The following ZNF684 variants were observed in gnomAD, a reference collection of about 807,000 sequenced individuals.
The protein encoded by ZNF684 is hypothetical protein MGC27466.
A neutral mutation model predicts 12.8 loss-of-function variants in ZNF684; 13 were observed. The observed-to-expected ratio is 1.02, with a 90% CI of 0.66 to 1.62. The LOEUF is 1.62. Ranked by LOEUF, ZNF684 falls within the 40% of genes most tolerant of loss-of-function variation. The pLI is 0.00. For synonymous variants in ZNF684, 118 were observed against 151.8 expected (o/e 0.78, Z 1.64); for missense variants, 384 against 446.9 (o/e 0.86, Z 1.27).
chr1:40,541,642 T>C lies in ZNF684; in HGVS notation c.170T>C (p.Ile57Thr), dbSNP rs945390217. ...TGTCCAATTACCAAAACAAAAGTGA[T>C]CCTCAAGGTAGAGCAAGGACAAGAG... ...VGCPITKTKV[I>T]LKVEQGQEPW... Residue 57 changes from isoleucine (I) to threonine (T), a missense_variant, in exon 4 of 5, where the codon ATC becomes ACC. Ile to Thr is a moderately conservative substitution (Grantham distance 89). Coordinates refer to ENST00000372699, the MANE Select transcript of ZNF684 (RefSeq NM_152373.4). 15 of 1,613,196 alleles carry C rather than the reference T, an allele frequency of 9.3e-6. No individual in the cohort carries two copies. In the African/African-American group the frequency reaches 2.0e-4, roughly 22 times the overall value.
In ZNF684 at chr1:40,540,681, G is replaced by A. The variant is rs1316546549; in HGVS notation, c.111G>A (p.Met37Ile). 2 of 1,611,328 alleles carry A rather than the reference G, an allele frequency of 1.2e-6. No homozygotes were observed. Among genetic ancestry groups the A allele is most frequent in the East Asian group, 2.2e-5 (1 of 44,682 alleles). ...CAERTLYWDV[M>I]LENYRNLISV... is the part of the protein sequence containing the mutation. ...AGAGAACCCTGTATTGGGATGTGAT[G>A]TTGGAGAACTATAGAAACCTCATCT... Residue 37 changes from methionine (M) to isoleucine (I), a missense_variant, in exon 3 of 5, where the codon ATG becomes ATA. Transcript: ENST00000372699.
rs1646053869 is a variant in ZNF684 at position 40,547,199 on chromosome 1, T to A, written c.876T>A (p.Phe292Leu). The A allele has an allele frequency of 2.5e-6, 4 of 1,614,212 alleles. No homozygotes were observed. The highest frequency in any genetic ancestry group is 3.4e-6 in the Non-Finnish European group (4 of 1,180,040). Residue 292 changes from phenylalanine (F) to leucine (L), a missense_variant, in exon 5 of 5, where the codon TTT becomes TTA. Coordinates refer to ENST00000372699, the MANE Select transcript of ZNF684 (RefSeq NM_152373.4). ...YSSSLYKHSR[F>L]HTGEKPYQCI... ...CATCCCTTTATAAACATTCCAGATT[T>A]CATACAGGAGAGAAACCCTACCAGT...
At chr1:40,535,880 C>T (rs985750513) in intron 2 of ZNF684, among the ~76,000 whole-genome samples, 1 of 152,150 alleles carries the variant, frequency 6.6e-6, no homozygotes, top group Non-Finnish European at 1.5e-5. Flanking sequence ...GGCAACTACT[C>T]AACTCTGTCC....
At chr1:40,537,972 T>C (rs80150972) in intron 2 of ZNF684, among the ~76,000 whole-genome samples, 226 of 152,286 alleles carry the variant, frequency 1.5e-3, no homozygotes, top group African/African-American at 5.3e-3. Flanking sequence ...CCATGAAATA[T>C]GTAATCTTTC....
At chr1:40,540,295 A>T (rs1220428805) in intron 2 of ZNF684, among the ~76,000 whole-genome samples, 1 of 152,146 alleles carries the variant, frequency 6.6e-6, no homozygotes, top group Non-Finnish European at 1.5e-5. Context: ...TGTAAAATGG[A>T]TGGGGAGTTC....
At chr1:40,540,482 A>G (rs16865682) in intron 2 of ZNF684, 104 bp from the exon 3 acceptor site, 43,933 of 1,238,554 alleles carry the variant, frequency 0.035, 991 homozygotes, top group Middle Eastern at 0.083. Context: ...GATTTTCTAC[A>G]AACTCAACAG....
chr1:40,537,063 A>G (rs935255372), intron 2 of ZNF684, among the ~76,000 whole-genome samples: 21 of 152,064 alleles, frequency 1.4e-4, no homozygotes, highest in African/African-American at 4.6e-4. Context: ...GGTATTTCTA[A>G]TTCTAGATCC....
intron 1 of ZNF684, among the ~76,000 whole-genome samples, chr1:40,532,854 G>GA (rs1017398340): frequency 4.0e-5 from 6 of 151,786 alleles, no homozygotes; most frequent in Admixed American, 2.6e-4. Flanking sequence ...TTTCTGGGAG[G>GA]AAAAAAAATA....
At chr1:40,535,930 A>G (rs1645981461) in intron 2 of ZNF684, among the ~76,000 whole-genome samples, 1 of 152,220 alleles carries the variant, frequency 6.6e-6, no homozygotes, top group African/African-American at 2.4e-5. Context: ...CTATGTTTCA[A>G]TAACATTCTG....
chr1:40,538,300 G>A (rs1348374332), intron 2 of ZNF684, among the ~76,000 whole-genome samples: 2 of 152,088 alleles, frequency 1.3e-5, no homozygotes, highest in Non-Finnish European at 2.9e-5. Flanking sequence ...GCCCCATACA[G>A]TATTTTCAAG....
At chr1:40,541,372 A>C (rs1646014612) in intron 3 of ZNF684, 1 of 276,530 alleles carries the variant, frequency 3.6e-6, no homozygotes, top group African/African-American at 2.2e-5. Flanking sequence ...TTTAGCAGAG[A>C]CAGGGTCTCA....
At chr1:40,543,721 G>A (rs1368054532) in intron 4 of ZNF684, among the ~76,000 whole-genome samples, 1 of 152,168 alleles carries the variant, frequency 6.6e-6, no homozygotes, top group African/African-American at 2.4e-5. Context: ...CTCCCAAAGT[G>A]CTGGGATTAC....
intron 2 of ZNF684, among the ~76,000 whole-genome samples, chr1:40,539,538 C>A (rs541654243): frequency 2.0e-4 from 30 of 152,182 alleles, no homozygotes; most frequent in African/African-American, 7.2e-4. Context: ...AACGTCGTTG[C>A]TGCACCATTT....
At chr1:40,543,120 C>T (rs1424674471) in intron 4 of ZNF684, among the ~76,000 whole-genome samples, 1 of 152,172 alleles carries the variant, frequency 6.6e-6, no homozygotes, top group African/African-American at 2.4e-5. Context: ...TCTCCTGCCT[C>T]AGCTTCCCAA....
chr1:40,532,402 G>C (rs907878708), intron 1 of ZNF684, among the ~76,000 whole-genome samples: 2 of 149,284 alleles, frequency 1.3e-5, no homozygotes, highest in Non-Finnish European at 3.0e-5. Context: ...ATAAAACAGA[G>C]TTGGGTTTAT....
At chr1:40,533,612 C>G (rs769216145) in intron 2 of ZNF684, among the ~76,000 whole-genome samples, 1 of 152,122 alleles carries the variant, frequency 6.6e-6, no homozygotes, top group Non-Finnish European at 1.5e-5. Context: ...AGAGTATTCC[C>G]TAGAGTAAGA....
At chr1:40,543,945 T>C (rs1414238560) in intron 4 of ZNF684, among the ~76,000 whole-genome samples, 1 of 152,098 alleles carries the variant, frequency 6.6e-6, no homozygotes, top group East Asian at 1.9e-4. Context: ...TATACTGTCT[T>C]GGATATATTT....
intron 4 of ZNF684, chr1:40,544,435 A>C (rs763101892): frequency 4.8e-6 from 2 of 417,200 alleles, no homozygotes; most frequent in South Asian, 3.3e-5. Context: ...CAGTGGCGCA[A>C]TCTCAGCTCG....
Position 40,546,796 on chromosome 1 carries a change from CT to C in ZNF684, c.475del (p.Tyr159MetfsTer104), listed in dbSNP as rs1266332928. 3 of 1,611,592 alleles carry C rather than the reference CT, an allele frequency of 1.9e-6. No homozygotes were observed. The highest frequency in any genetic ancestry group is 1.3e-5 in the African/African-American group (1 of 74,652). The part of the protein sequence containing the change: ...KYNRSYTVEN[A>X]YECSECGKAF... ...AATAGAAGTTATACTGTAGAAAACG[CT>C]TATGAATGCAGTGAATGCGGGAAAG... On this transcript the variant is annotated frameshift_variant, in exon 5 of 5. Transcript: ENST00000372699. LOFTEE classifies it low-confidence loss of function (END_TRUNC).
Sources: allele counts gnomAD v4.1 joint callset (sites outside exome capture counted in the v4.1 genomes callset), GRCh38; gene constraint gnomAD v4.1.1; transcripts MANE v1.5; gene names NCBI Gene and HGNC (gene_info 2026-07-23, HGNC 2026-07-21).